The following PTGER3 variants were observed in gnomAD, a reference collection of about 807,000 sequenced individuals.
PTGER3 encodes the protein prostaglandin E receptor 3.
In PTGER3, 22 loss-of-function variants were observed where a neutral mutation model predicts 34.7. That is an observed-to-expected ratio of 0.63 (90% CI 0.45 to 0.91). PTGER3 has a LOEUF of 0.91. Among genes scored for constraint, PTGER3 ranks in the 40% least tolerant of loss-of-function variants. PTGER3 has a pLI of 0.00. For synonymous variants in PTGER3, 241 were observed against 230.1 expected, an observed-to-expected ratio of 1.05 and a Z score of -0.43; for missense variants, 468 against 519.4, an observed-to-expected ratio of 0.90 and a Z score of 0.96.
chr1:70,971,834 G>A (rs1369671795), intron 3 of PTGER3, 101 bp from the exon 4 acceptor site: 4 of 796,116 alleles, frequency 5.0e-6, no homozygotes, highest in Non-Finnish European at 5.8e-6. Context: ...TAATAAATTT[G>A]TTTGCTTTAA....
intron 4 of PTGER3, among the ~76,000 whole-genome samples, chr1:70,858,713 G>T (rs377028138): frequency 1.3e-5 from 2 of 152,114 alleles, no homozygotes; most frequent in African/African-American, 4.8e-5. Context: ...TTATCAATAT[G>T]CCCTGGGGTC....
chr1:71,035,716 G>A (rs1417982242), intron 1 of PTGER3, among the ~76,000 whole-genome samples: 2 of 152,206 alleles, frequency 1.3e-5, no homozygotes, highest in East Asian at 3.9e-4. Flanking sequence ...TGACAAGGTT[G>A]TGAATTATCT....
intron 4 of PTGER3, among the ~76,000 whole-genome samples, chr1:70,921,408 G>A (rs539791169): frequency 7.9e-5 from 12 of 152,120 alleles, no homozygotes; most frequent in Admixed American, 3.3e-4. Context: ...CAAACCTGTC[G>A]AATGAATGGT....
intron 1 of PTGER3, among the ~76,000 whole-genome samples, chr1:71,043,589 C>T (rs555640914): frequency 2.0e-5 from 3 of 152,256 alleles, no homozygotes; most frequent in South Asian, 2.1e-4. Flanking sequence ...GTATCCTACA[C>T]CCAACTTAAC....
At chr1:70,855,501 T>C (rs1645781839) in intron 4 of PTGER3, among the ~76,000 whole-genome samples, 1 of 152,242 alleles carries the variant, frequency 6.6e-6, no homozygotes, top group Non-Finnish European at 1.5e-5. Flanking sequence ...TTTTCTACCA[T>C]AATTTTAAAA....
intron 2 of PTGER3, among the ~76,000 whole-genome samples, chr1:70,980,750 A>G (rs1654175252): frequency 6.6e-6 from 1 of 152,164 alleles, no homozygotes; most frequent in Admixed American, 6.5e-5. Context: ...GCCATAACAA[A>G]CAGGCCATTT....
At chr1:70,979,803 T>C (rs1033772402) in intron 2 of PTGER3, among the ~76,000 whole-genome samples, 1 of 152,178 alleles carries the variant, frequency 6.6e-6, no homozygotes, top group Non-Finnish European at 1.5e-5. Flanking sequence ...TAATTTCATC[T>C]TTTGGAGTTT....
At chr1:70,914,699 T>C (rs952139496) in intron 4 of PTGER3, among the ~76,000 whole-genome samples, 3 of 151,932 alleles carry the variant, frequency 2.0e-5, no homozygotes, top group Non-Finnish European at 4.4e-5. Context: ...CATCCTCTGC[T>C]TCAGCTGAGA....
intron 1 of PTGER3, among the ~76,000 whole-genome samples, chr1:71,023,261 T>C (rs1658587324): frequency 1.3e-5 from 2 of 151,990 alleles, no homozygotes; most frequent in African/African-American, 4.8e-5. Flanking sequence ...TCAGACCTAA[T>C]TGAATGTAGC....
intron 2 of PTGER3, among the ~76,000 whole-genome samples, chr1:70,977,017 A>C (rs1023213456): frequency 1.3e-5 from 2 of 152,172 alleles, no homozygotes; most frequent in African/African-American, 4.8e-5. Context: ...TGAGACCCCA[A>C]AGATTTCAAT....
chr1:70,948,770 A>G (rs889339372), downstream of PTGER3, among the ~76,000 whole-genome samples: 1 of 152,182 alleles, frequency 6.6e-6, no homozygotes, highest in East Asian at 1.9e-4. Flanking sequence ...AAAAATGACA[A>G]GAGTCATTTC....
At chr1:70,946,873 A>C (rs936397582) in intron 4 of PTGER3, among the ~76,000 whole-genome samples, 6 of 152,130 alleles carry the variant, frequency 3.9e-5, no homozygotes, top group Admixed American at 3.3e-4. Context: ...CGGTTCTGCT[A>C]TACTTTATTT....
intron 4 of PTGER3, among the ~76,000 whole-genome samples, chr1:70,880,690 AAAAAAAAG>A (rs1646371924): frequency 6.7e-6 from 1 of 150,198 alleles, no homozygotes; most frequent in Admixed American, 6.6e-5. Context: ...ACTCTGTCAA[AAAAAAAAG>A]AAAAAAAAAA....
At chr1:71,006,343 CATTGAAGAAGG>C (rs1656964115) in intron 2 of PTGER3, 5 of 985,258 alleles carry the variant, frequency 5.1e-6, no homozygotes, top group Admixed American at 6.2e-5. Flanking sequence ...CTTCTCCCTT[CATTGAAGAAGG>C]AAGACCAATA....
At chr1:70,889,096 C>T (rs190668443) in intron 4 of PTGER3, among the ~76,000 whole-genome samples, 3 of 152,054 alleles carry the variant, frequency 2.0e-5, no homozygotes, top group Non-Finnish European at 4.4e-5. Flanking sequence ...TGCTCTTTAG[C>T]GACAGGCAAA....
chr1:70,924,639 T>C (rs1647873182), intron 4 of PTGER3, among the ~76,000 whole-genome samples: 1 of 152,206 alleles, frequency 6.6e-6, no homozygotes, highest in Non-Finnish European at 1.5e-5. Flanking sequence ...AAATTCTACT[T>C]CTTTTGCTTT....
At chr1:70,955,957 TAACTG>T (rs1651282380) in intron 2 of PTGER3, among the ~76,000 whole-genome samples, 1 of 152,168 alleles carries the variant, frequency 6.6e-6, no homozygotes, top group South Asian at 2.1e-4. Context: ...GGATTGATCT[TAACTG>T]GACTTTGGCT....
intron 4 of PTGER3, among the ~76,000 whole-genome samples, chr1:70,919,502 C>T (rs979578973): frequency 6.6e-6 from 1 of 152,064 alleles, no homozygotes; most frequent in African/African-American, 2.4e-5. Flanking sequence ...AAAGAAAACT[C>T]CATTTAGATT....
At chr1:70,977,620 T>C (rs1327885618) in intron 2 of PTGER3, among the ~76,000 whole-genome samples, 1 of 151,986 alleles carries the variant, frequency 6.6e-6, no homozygotes, top group Non-Finnish European at 1.5e-5. Flanking sequence ...AAAACCATCC[T>C]AGAATTCCCT....
Sources: allele counts gnomAD v4.1 joint callset (sites outside exome capture counted in the v4.1 genomes callset), GRCh38; gene constraint gnomAD v4.1.1; transcripts MANE v1.5; gene names NCBI Gene and HGNC (gene_info 2026-07-23, HGNC 2026-07-21).